The following KMT2B variants were observed in gnomAD, a reference collection of about 807,000 sequenced individuals.
KMT2B encodes the protein lysine methyltransferase 2B.
A neutral mutation model predicts 255.3 loss-of-function variants in KMT2B; 22 were observed. The observed-to-expected ratio is 0.09, with a 90% CI of 0.06 to 0.12. The LOEUF is 0.12. Among genes scored for constraint, KMT2B ranks in the 10% least tolerant of loss-of-function variants. The probability of loss-of-function intolerance (pLI) is 1.00; values close to 1 mark genes in which losing one functional copy is unlikely to be tolerated. For missense variants in KMT2B, 3,149 were observed against 3,737.0 expected (o/e 0.84, Z 4.10); for synonymous variants, 1,730 against 1,498.1 (o/e 1.15, Z -3.57).
rs779920080 is a variant in KMT2B at position 35,725,346 on chromosome 19, CCTTT to C, written c.3642+17_3642+20del. 1.9e-6 allele frequency: 3 copies of C among 1,556,392 alleles called. No individual in the cohort carries two copies. The highest frequency in any genetic ancestry group is 2.6e-6 in the Non-Finnish European group (3 of 1,151,312). ...AGGACTCCACGAGGTTAGATCTCTG[CCTTT>C]CTTCACAGACCCCCAGCTCTCTGTC... On this transcript the variant is annotated intron_variant, in intron 11 of 36. Transcript: ENST00000420124. This position sits in a 1 kb window ranked among gnomAD's most constrained non-coding sequence, Gnocchi z 4.1.
At chr19:35,730,165 T>C in intron 23 of KMT2B, 40 bp downstream of exon 23, 3 of 1,611,416 alleles carry the variant, frequency 1.9e-6, no homozygotes, top group Non-Finnish European at 8.5e-7. Context: ...CTTCCCCACC[T>C]CTCTTCCTGT....
chr19:35,722,212 C>A, intron 3 of KMT2B, 147 bp from the exon 4 acceptor site: 1 of 798,308 alleles, frequency 1.3e-6, no homozygotes, highest in Non-Finnish European at 1.9e-6. Context: ...ACCACATTGG[C>A]TAGGCTGGTC....
Position 35,728,971 on chromosome 19 carries a change from C to T in KMT2B, c.4688-14C>T, listed in dbSNP as rs1279846772. 6.2e-7 allele frequency: 1 copy of T among 1,613,872 alleles called. No homozygotes were observed. The highest frequency in any genetic ancestry group is 1.3e-5 in the African/African-American group (1 of 75,046). Reference sequence around the variant, plus strand: ...GTCCTGATTCTTAGACCTCCCTTCACATTTCCTCTTCAGCATTCCAGGGCA... The same window carrying T: ...GTCCTGATTCTTAGACCTCCCTTCATATTTCCTCTTCAGCATTCCAGGGCA... On this transcript the variant is annotated splice_polypyrimidine_tract_variant and intron_variant, in intron 20 of 36. Transcript: ENST00000420124.
Position 35,718,343 on chromosome 19 carries a change from C to T in KMT2B, c.325C>T (p.Pro109Ser). 1.6e-6 allele frequency: 2 copies of T among 1,260,128 alleles called. No individual in the cohort carries two copies. Among genetic ancestry groups the T allele is most frequent in the Non-Finnish European group, 2.0e-6 (2 of 995,880 alleles). The allele number at this position is 1,260,128 out of a possible 1,614,324, so 78.1% of individuals were successfully genotyped here. A position where few individuals can be genotyped will look rare whatever the true frequency, so the allele number is the denominator to read the frequency against. Residue 109 changes from proline (P) to serine (S), a missense_variant, in exon 1 of 37, where the codon CCG becomes TCG. Pro to Ser is a moderately conservative substitution (Grantham distance 74). This residue lies in a region of KMT2B where 1,188 missense variants were observed against 1,106.4 expected (regional missense o/e 1.07). Coordinates refer to ENST00000420124, the MANE Select transcript of KMT2B (RefSeq NM_014727.3). The surrounding 1 kb of genome is among the most constrained non-coding windows in gnomAD (Gnocchi z 5.0). Reference protein sequence around the residue: ...RGWGPSRGCVPEEESSDGESD... With the variant: ...RGWGPSRGCVSEEESSDGESD... ...CTGGGGCCCGAGTCGAGGCTGCGTGCCGGAGGAGGAGAGCAGTGACGGGGA... is the reference window on the plus strand; with the variant it reads ...CTGGGGCCCGAGTCGAGGCTGCGTGTCGGAGGAGGAGAGCAGTGACGGGGA...
rs1350879937 is a variant in KMT2B at position 35,723,952 on chromosome 19, T to C, written c.3279T>C (p.Asp1093=). 1 of 1,611,686 alleles carries C rather than the reference T, an allele frequency of 6.2e-7. No individual in the cohort carries two copies. Among genetic ancestry groups the C allele is most frequent in the East Asian group, 2.2e-5 (1 of 44,828 alleles). The change falls in exon 8 of 37, where the codon GAT becomes GAC. Residue 1093 remains aspartate, a synonymous_variant. Transcript: ENST00000420124. The surrounding 1 kb of genome is among the most constrained non-coding windows in gnomAD (Gnocchi z 7.5). ...RPSYDIFEDS[D]DSEPGGPPAP... ...CCTATGATATCTTCGAGGATTCGGA[T>C]GACTCGGAGCCCGGGGGCCCCCCTG... is the stretch of plus-strand genomic sequence containing the variant.
At position 35,723,605 on chromosome 19, in the gene KMT2B, C is replaced by T. The variant is rs1453519750; in HGVS notation, c.3058+103C>T. 19 of 1,302,704 alleles carry T rather than the reference C, an allele frequency of 1.5e-5. No individual in the cohort carries two copies. Among genetic ancestry groups the T allele is most frequent in the South Asian group, 5.7e-5 (4 of 69,640 alleles). 80.7% of individuals were successfully genotyped at this position (1,302,704 alleles called of 1,614,324 possible). A position where few individuals can be genotyped will look rare whatever the true frequency, so the allele number is the denominator to read the frequency against. ...CTCCTCCCTTGCAGCTCACCCTCTCCATCTTCTCCGTTGTGTGCTTTCATA... is the reference window on the plus strand; with the variant it reads ...CTCCTCCCTTGCAGCTCACCCTCTCTATCTTCTCCGTTGTGTGCTTTCATA... On this transcript the variant is annotated intron_variant, in intron 7 of 36. Coordinates refer to ENST00000420124, the MANE Select transcript of KMT2B (RefSeq NM_014727.3). This position sits in a 1 kb window ranked among gnomAD's most constrained non-coding sequence, Gnocchi z 7.5.
Position 35,738,079 on chromosome 19 carries a change from G to A in KMT2B, c.7760G>A (p.Arg2587Gln), listed in dbSNP as rs780852805. 1 of 1,613,864 alleles carries A rather than the reference G, an allele frequency of 6.2e-7. No individual in the cohort carries two copies. Among genetic ancestry groups the A allele is most frequent in the Non-Finnish European group, 8.5e-7 (1 of 1,179,870 alleles). Residue 2587 changes from arginine (R) to glutamine (Q), a missense_variant, in exon 36 of 37, where the codon CGA (arginine) becomes CAA (glutamine). This residue lies in a region of KMT2B where 56 missense variants were observed against 238.8 expected (regional missense o/e 0.23). Transcript: ENST00000420124. The surrounding 1 kb of genome is among the most constrained non-coding windows in gnomAD (Gnocchi z 8.7). ...VGVYRSAIHG[R>Q]GLFCKRNIDA... ...CCCTGCAGATCAGCCATCCACGGGC[G>A]AGGCCTGTTCTGTAAGCGCAACATC...
Position 35,730,083 on chromosome 19 carries a change from G to A in KMT2B, c.5034G>A (p.Lys1678=). 6.2e-7 allele frequency: 1 copy of A among 1,613,684 alleles called. No individual in the cohort carries two copies. Among genetic ancestry groups the A allele is most frequent in the East Asian group, 2.2e-5 (1 of 44,888 alleles). Residue 1678 remains lysine (K), a synonymous_variant, in exon 23 of 37, where the codon AAG becomes AAA. Transcript: ENST00000420124. ...GCTACTGCATCTTCCAGGATGACAA[G>A]AAAGTCTTCTGCCAGAAACACACTG... The part of the protein sequence containing the change: ...RASYCIFQDD[K]KVFCQKHTDL...
At position 35,721,800 on chromosome 19, in the gene KMT2B, T is replaced by C. The variant is rs1969224827; in HGVS notation, c.2453T>C (p.Met818Thr). Residue 818 changes from methionine (M) to threonine (T), a missense_variant, in exon 3 of 37, where the codon ATG (methionine) becomes ACG (threonine). Met to Thr is a moderately conservative substitution (Grantham distance 81). Coordinates refer to ENST00000420124, the MANE Select transcript of KMT2B (RefSeq NM_014727.3). ...CAGCAGCAGAAGGTGGCAGCTTCCA[T>C]GCCGGTGAGTGTGGTCCCTGGGCCC... ...QQQQQKVAASMPLSPGGQMEE... is the reference protein window; with the variant it reads ...QQQQQKVAASTPLSPGGQMEE... 1.9e-6 allele frequency: 3 copies of C among 1,582,140 alleles called. No homozygotes were observed. The highest frequency in any genetic ancestry group is 2.6e-6 in the Non-Finnish European group (3 of 1,163,028).
chr19:35,721,235 G>A lies in KMT2B; in HGVS notation c.1888G>A (p.Ala630Thr), dbSNP rs1006691853. The change falls in exon 3 of 37, where the codon GCC becomes ACC. Residue 630 changes from alanine (A) to threonine (T), a missense_variant. Around this residue, in one of 18 missense-constraint regions of KMT2B, gnomAD observed 1,188 missense variants for 1,106.4 expected, o/e 1.07. Transcript: ENST00000420124. ...TCCCCCAGCCCCTCCACCTCCCCCG[G>A]CCCCCTCCCCACCCCCTGCTCCTGC... ...PPPPAPPPPP[A>T]PSPPPAPATS... 7.9e-6 allele frequency: 2 copies of A among 252,254 alleles called. No homozygotes were observed. The highest frequency in any genetic ancestry group is 7.4e-5 in the African/African-American group (1 of 13,588). 15.6% of individuals were successfully genotyped at this position (252,254 alleles called of 1,614,324 possible). A position where few individuals can be genotyped will look rare whatever the true frequency, so the allele number is the denominator to read the frequency against.
At position 35,718,795 on chromosome 19, in the gene KMT2B, T is replaced by C. The variant is rs1396683531; in HGVS notation, c.363+414T>C. The stretch of plus-strand genomic sequence containing the variant: ...GGCCGCCCCGCCGGGCCTCGCAACC[T>C]CCTGGTTTCTCCAGGGCCCCAGTTT... On this transcript the variant is annotated intron_variant, in intron 1 of 36. Transcript: ENST00000420124. This position sits in a 1 kb window ranked among gnomAD's most constrained non-coding sequence, Gnocchi z 5.0. Among the ~76,000 whole-genome samples, 1 of 152,178 alleles carries C rather than the reference T, an allele frequency of 6.6e-6. No homozygotes were observed. Among genetic ancestry groups the C allele is most frequent in the Non-Finnish European group, 1.5e-5 (1 of 68,034 alleles).
At chr19:35,722,911 G>A in intron 5 of KMT2B, 84 bp from the exon 6 acceptor site, 1 of 1,453,328 alleles carries the variant, frequency 6.9e-7, no homozygotes, top group Non-Finnish European at 9.1e-7. Context: ...GAAAGCGAGA[G>A]CCAGGTTGTG....
chr19:35,718,167 G>C lies in KMT2B; in HGVS notation c.149G>C (p.Gly50Ala). The change falls in exon 1 of 37, where the codon GGC (glycine) becomes GCC (alanine). Residue 50 changes from glycine (G) to alanine (A), a missense_variant. By Grantham distance (60) the Gly-to-Ala change is moderately conservative. This residue lies in a region of KMT2B where 1,188 missense variants were observed against 1,106.4 expected (regional missense o/e 1.07). Coordinates refer to ENST00000420124, the MANE Select transcript of KMT2B (RefSeq NM_014727.3). The surrounding 1 kb of genome is among the most constrained non-coding windows in gnomAD (Gnocchi z 5.0). Reference protein sequence around the residue: ...AERVRVALRRGGGATGPGGAE... With the variant: ...AERVRVALRRAGGATGPGGAE... ...AGAGTGCGGGTAGCTCTGCGGCGCG[G>C]CGGTGGCGCGACGGGGCCGGGCGGA... 9.2e-7 allele frequency: 1 copy of C among 1,085,290 alleles called. No individual in the cohort carries two copies. The highest frequency in any genetic ancestry group is 1.1e-6 in the Non-Finnish European group (1 of 895,498). 67.2% of individuals were successfully genotyped at this position (1,085,290 alleles called of 1,614,324 possible). A position where few individuals can be genotyped will look rare whatever the true frequency, so the allele number is the denominator to read the frequency against.
At position 35,721,530 on chromosome 19, in the gene KMT2B, G is replaced by A. The variant is rs201259737; in HGVS notation, c.2183G>A (p.Ser728Asn). 7.7e-4 allele frequency: 1,235 copies of A among 1,611,742 alleles called. No individual in the cohort carries two copies. The highest frequency in any genetic ancestry group is 1.0e-3 in the Non-Finnish European group (1,199 of 1,179,854). The change falls in exon 3 of 37, where the codon AGC (serine) becomes AAC (asparagine). Residue 728 changes from serine (S) to asparagine (N), a missense_variant. Ser to Asn is a conservative substitution (Grantham distance 46, BLOSUM62 1). Around this residue, in one of 18 missense-constraint regions of KMT2B, gnomAD observed 1,188 missense variants for 1,106.4 expected, o/e 1.07. Transcript: ENST00000420124. ...TCCCCTCACGGGGCTCCAGCTCTGA[G>A]CAACGGGCCACAGACACAGGCTCAG... is the stretch of plus-strand genomic sequence containing the variant. ...EVSPHGAPALSNGPQTQAQLL... is the reference protein window; with the variant it reads ...EVSPHGAPALNNGPQTQAQLL...
Position 35,733,727 on chromosome 19 carries a change from C to T in KMT2B, c.7050-36C>T, listed in dbSNP as rs1188072438. The T allele has an allele frequency of 6.2e-7, 1 of 1,609,918 alleles. No homozygotes were observed. Among genetic ancestry groups the T allele is most frequent in the African/African-American group, 1.3e-5 (1 of 74,688 alleles). ...CCTCTCCCTGGAGGGTCTGGGACCT[C>T]TGTCCTTCCCCTTCCTGACAGGTCT... is the stretch of plus-strand genomic sequence containing the variant. On this transcript the variant is annotated intron_variant, in intron 29 of 36. Coordinates refer to ENST00000420124, the MANE Select transcript of KMT2B (RefSeq NM_014727.3). This position sits in a 1 kb window ranked among gnomAD's most constrained non-coding sequence, Gnocchi z 4.3.
At chr19:35,730,307 A>G (rs1192179623) in intron 23 of KMT2B, 35 bp from the exon 24 acceptor site, 3 of 1,607,462 alleles carry the variant, frequency 1.9e-6, no homozygotes, top group Admixed American at 1.7e-5. Flanking sequence ...TCCCCCACCA[A>G]TGCAGCCACC....
Position 35,727,121 on chromosome 19 carries a change from C to T in KMT2B, c.4004-35C>T, listed in dbSNP as rs1298028379. 3 of 1,489,504 alleles carry T rather than the reference C, an allele frequency of 2.0e-6. No individual in the cohort carries two copies. The highest frequency in any genetic ancestry group is 1.9e-5 in the Admixed American group (1 of 53,892). The allele number at this position is 1,489,504 out of a possible 1,614,324, so 92.3% of individuals were successfully genotyped here. A position where few individuals can be genotyped will look rare whatever the true frequency, so the allele number is the denominator to read the frequency against. ...GACACTCAGGGCTGAGTGGGAACTC[C>T]AGCACCTCTGACTCCTTCTCTTCCC... On this transcript the variant is annotated intron_variant, in intron 14 of 36. Transcript: ENST00000420124. The surrounding 1 kb of genome is among the most constrained non-coding windows in gnomAD (Gnocchi z 4.2).
intron 1 of KMT2B, 109 bp from the exon 2 acceptor site, chr19:35,719,360 G>T: frequency 1.3e-6 from 1 of 760,730 alleles, no homozygotes; most frequent in South Asian, 1.8e-5. Flanking sequence ...TTTTAAATAG[G>T]CAGGGGTATG....
rs1969281933 is a variant in KMT2B, at chr19:35,722,978, C to T, written c.2723-17C>T. Reference sequence around the variant, plus strand: ...GGCTTTGTGGCTCCATCCCCTCCTCCCTGCCTGCTGCAATAGATACATCAT... The same window carrying T: ...GGCTTTGTGGCTCCATCCCCTCCTCTCTGCCTGCTGCAATAGATACATCAT... On this transcript the variant is annotated splice_polypyrimidine_tract_variant and intron_variant, in intron 5 of 36. Transcript: ENST00000420124. 9.1e-6 allele frequency: 14 copies of T among 1,541,310 alleles called. No homozygotes were observed. Among genetic ancestry groups the T allele is most frequent in the Admixed American group, 5.6e-5 (3 of 53,806 alleles).
Sources: gnomAD v4.1 joint callset for allele counts (sites outside exome capture counted in the v4.1 genomes callset) on GRCh38, gnomAD v4.1.1 for gene constraint, gnomAD v4.1.1 regional missense constraint, Gnocchi (gnomAD v3.1) non-coding constraint, MANE v1.5 for transcripts, NCBI Gene and HGNC (gene_info 2026-07-23, HGNC 2026-07-21) for gene names.